The following TAF3 variants were observed in gnomAD, a reference collection of about 807,000 sequenced individuals.
The protein encoded by TAF3 is TATA-box binding protein associated factor 3.
A neutral mutation model predicts 80.6 loss-of-function variants in TAF3; 7 were observed. That is an observed-to-expected ratio of 0.09 (90% confidence interval 0.05 to 0.16). The LOEUF (loss-of-function observed/expected upper bound fraction) is 0.16. Among genes scored for constraint, TAF3 ranks in the 10% least tolerant of loss-of-function variants. The pLI is 1.00. For synonymous variants in TAF3, 444 were observed against 446.1 expected, an observed-to-expected ratio of 1.00 and a Z score of 0.06; for missense variants, 921 against 1,140.2, an observed-to-expected ratio of 0.81 and a Z score of 2.77.
At chr10:7,941,342 A>G (rs1837973884) in intron 2 of TAF3, among the ~76,000 whole-genome samples, 1 of 152,264 alleles carries the variant, frequency 6.6e-6, no homozygotes. Context: ...AACAAAATAA[A>G]ATTTCAAGAA....
At chr10:7,905,399 C>T (rs990534022) in intron 2 of TAF3, among the ~76,000 whole-genome samples, 1 of 152,134 alleles carries the variant, frequency 6.6e-6, no homozygotes, top group African/African-American at 2.4e-5. Flanking sequence ...CTCTTTTAGA[C>T]AAAACCTTTG....
chr10:8,000,343 C>G (rs571225066), intron 4 of TAF3, among the ~76,000 whole-genome samples: 71 of 152,250 alleles, frequency 4.7e-4, no homozygotes, highest in Middle Eastern at 3.4e-3. Context: ...TCTCGAACTC[C>G]CAACCTCAGG....
chr10:7,863,623 A>AT lies in TAF3; in HGVS notation c.409+39063_409+39064insT, dbSNP rs1564350780. On this transcript the variant is annotated intron_variant, in intron 2 of 6. Coordinates refer to ENST00000344293, the MANE Select transcript of TAF3 (RefSeq NM_031923.4). ...AAACTCTGTCTAAAAAAAAAAAAAA[A>AT]AAAATATATATATATATATATATAC... 1.6e-3 allele frequency among the ~76,000 whole-genome samples: 130 copies of AT among 79,622 alleles called. 13 individuals carry two copies. Among genetic ancestry groups the AT allele is most frequent in the African/African-American group, 5.3e-3 (123 of 23,058 alleles). 52.2% of individuals were successfully genotyped at this position (79,622 alleles called of 152,430 possible). A position where few individuals can be genotyped will look rare whatever the true frequency, so the allele number is the denominator to read the frequency against.
chr10:7,846,745 C>T (rs149664091), intron 2 of TAF3, among the ~76,000 whole-genome samples: 1 of 152,146 alleles, frequency 6.6e-6, no homozygotes, highest in African/African-American at 2.4e-5. Flanking sequence ...TTTCCTGCAT[C>T]TTGAAACATT....
chr10:7,965,767 C>A, intron 3 of TAF3, 25 bp downstream of exon 3: 1 of 1,509,680 alleles, frequency 6.6e-7, no homozygotes, highest in South Asian at 1.5e-5. Flanking sequence ...ATTTTTGGCC[C>A]TATCTGAACA....
intron 2 of TAF3, among the ~76,000 whole-genome samples, chr10:7,839,169 A>G (rs532079765): frequency 6.6e-6 from 1 of 152,190 alleles, no homozygotes; most frequent in Non-Finnish European, 1.5e-5. Flanking sequence ...AAAAATAACT[A>G]TGTACCTGGG....
At chr10:7,939,200 GT>G (rs1417958850) in intron 2 of TAF3, among the ~76,000 whole-genome samples, 41 of 152,266 alleles carry the variant, frequency 2.7e-4, no homozygotes, top group African/African-American at 9.4e-4. Context: ...CAACATTTTA[GT>G]TTATTGGCTA....
At chr10:7,922,013 T>C (rs7076314) in intron 2 of TAF3, among the ~76,000 whole-genome samples, 85,940 of 151,834 alleles carry the variant, frequency 0.57, 25,388 homozygotes, top group East Asian at 0.72. Context: ...AAATTTTTGT[T>C]AGACTTGAAT....
Position 7,919,253 on chromosome 10 carries a change from A to C in TAF3, c.410-44667A>C, listed in dbSNP as rs114590066. ...TGATTATCGGTCTTGATTATCTCCT[A>C]GGGGAAAGTGATACTCAGTTTTCTG... On this transcript the variant is annotated intron_variant, in intron 2 of 6. Coordinates refer to ENST00000344293, the MANE Select transcript of TAF3 (RefSeq NM_031923.4). 6.0e-3 allele frequency among the ~76,000 whole-genome samples: 907 copies of C among 152,276 alleles called. 10 individuals are homozygous for C. Among genetic ancestry groups the C allele is most frequent in the African/African-American group, 0.021 (863 of 41,556 alleles).
intron 2 of TAF3, among the ~76,000 whole-genome samples, chr10:7,886,116 G>C (rs959825125): frequency 6.6e-6 from 1 of 151,870 alleles, no homozygotes; most frequent in Non-Finnish European, 1.5e-5. Context: ...TAGAGATGTG[G>C]GGGGGTCTCA....
chr10:7,942,887 T>C (rs1161353891), intron 2 of TAF3, among the ~76,000 whole-genome samples: 3 of 152,248 alleles, frequency 2.0e-5, no homozygotes, highest in Admixed American at 6.5e-5. Context: ...TACACAAAAA[T>C]CACATTTGCA....
intron 4 of TAF3, among the ~76,000 whole-genome samples, chr10:8,007,528 ACTGT>A (rs1435220629): frequency 3.8e-5 from 5 of 130,128 alleles, no homozygotes; most frequent in Non-Finnish European, 7.9e-5. Context: ...TTATTACCTA[ACTGT>A]CTGTTATATT....
At chr10:7,982,716 T>A (rs1329288366) in intron 4 of TAF3, among the ~76,000 whole-genome samples, 1 of 152,186 alleles carries the variant, frequency 6.6e-6, no homozygotes, top group Non-Finnish European at 1.5e-5. Flanking sequence ...CATTTTTTTT[T>A]AAAGGAAGGT....
chr10:7,849,231 A>G (rs545437266), intron 2 of TAF3, among the ~76,000 whole-genome samples: 4 of 152,066 alleles, frequency 2.6e-5, no homozygotes, highest in South Asian at 4.1e-4. Context: ...CTTTTAAGGT[A>G]TGTTAGAAAC....
intron 2 of TAF3, among the ~76,000 whole-genome samples, chr10:7,934,799 T>G (rs1219079846): frequency 6.6e-6 from 1 of 152,202 alleles, no homozygotes; most frequent in Non-Finnish European, 1.5e-5. Flanking sequence ...TAATTGCAGT[T>G]GTAAACATCA....
chr10:7,831,358 T>C (rs1836797935), intron 2 of TAF3, among the ~76,000 whole-genome samples: 1 of 152,118 alleles, frequency 6.6e-6, no homozygotes, highest in Admixed American at 6.6e-5. Flanking sequence ...ATTACTTTTT[T>C]TTTTTGAGAT....
intron 2 of TAF3, among the ~76,000 whole-genome samples, chr10:7,896,942 G>A (rs766396347): frequency 2.6e-5 from 4 of 152,126 alleles, no homozygotes; most frequent in Non-Finnish European, 5.9e-5. Context: ...CCTTGCATCC[G>A]TAGGACTGAG....
At chr10:8,013,911 G>C (rs1436334371) in intron 6 of TAF3, 74 bp downstream of exon 6, 1 of 1,272,836 alleles carries the variant, frequency 7.9e-7, no homozygotes, top group Admixed American at 1.7e-5. Flanking sequence ...AGCATCCACT[G>C]AGTAGATTCC....
At chr10:7,821,333 T>C (rs1433951669) in intron 1 of TAF3, among the ~76,000 whole-genome samples, 2 of 152,200 alleles carry the variant, frequency 1.3e-5, no homozygotes, top group Non-Finnish European at 2.9e-5. Context: ...CACTATGGAA[T>C]CTTGTATTCC....
Sources: allele counts gnomAD v4.1 joint callset (sites outside exome capture counted in the v4.1 genomes callset), GRCh38; gene constraint gnomAD v4.1.1; transcripts MANE v1.5; gene names NCBI Gene and HGNC (gene_info 2026-07-23, HGNC 2026-07-21).